The following USP34 variants were observed in gnomAD, a reference collection of about 807,000 sequenced individuals.
USP34 encodes ubiquitin specific peptidase 34.
A neutral mutation model predicts 460.3 loss-of-function variants in USP34; 70 were observed. The ratio of observed to expected loss-of-function variants is 0.15; its 90% CI spans 0.13 to 0.19. The LOEUF (loss-of-function observed/expected upper bound fraction) is 0.19. USP34 is among the 10% of genes least tolerant of loss of function. The probability of loss-of-function intolerance (pLI) is 1.00; values close to 1 mark genes in which losing one functional copy is unlikely to be tolerated. For missense variants in USP34, 3,985 were observed against 4,236.2 expected (o/e 0.94, Z 1.65); for synonymous variants, 1,647 against 1,405.3 (o/e 1.17, Z -3.85).
intron 39 of USP34, among the ~76,000 whole-genome samples, chr2:61,279,814 T>C (rs972174723): frequency 3.9e-5 from 6 of 152,240 alleles, no homozygotes; most frequent in African/African-American, 1.4e-4. Flanking sequence ...AATGTCATTT[T>C]AGTCCAGTAT....
intron 1 of USP34, among the ~76,000 whole-genome samples, chr2:61,448,347 C>G (rs1236678691): frequency 1.3e-5 from 2 of 152,184 alleles, no homozygotes; most frequent in Non-Finnish European, 2.9e-5. Flanking sequence ...GTGGCACATG[C>G]CTGCAGTCCC....
intron 75 of USP34, chr2:61,200,918 T>C (rs773605977): frequency 9.2e-5 from 14 of 152,204 alleles, no homozygotes; most frequent in East Asian, 7.5e-4. Context: ...TAGGAAACAA[T>C]AGGAAAGTTC....
At chr2:61,466,931 G>A (rs1054406432) in intron 1 of USP34, among the ~76,000 whole-genome samples, 13 of 151,254 alleles carry the variant, frequency 8.6e-5, no homozygotes, top group African/African-American at 3.2e-4. Context: ...TATTACACTC[G>A]TTTGCCCAGG....
intron 1 of USP34, among the ~76,000 whole-genome samples, chr2:61,442,896 TGTAC>T (rs1463156099): frequency 5.0e-4 from 39 of 78,760 alleles, no homozygotes; most frequent in South Asian, 4.0e-3. Context: ...ATGTGATGTG[TGTAC>T]ACACACACAC....
Position 61,405,822 on chromosome 2 carries a change from A to T in USP34, c.438T>A (p.Phe146Leu), listed in dbSNP as rs189751460. The change falls in exon 3 of 80, where the codon TTT becomes TTA. Residue 146 changes from phenylalanine (F) to leucine (L), a missense_variant. Phe to Leu is a conservative substitution (Grantham distance 22, BLOSUM62 0). Around this residue, in one of 14 missense-constraint regions of USP34, gnomAD observed 331 missense variants for 293.7 expected, o/e 1.13. Transcript: ENST00000398571. ...EEESSKSSDP[F>L]SLWSTDEKEK... ...CCTTCTCATCTGTACTCCATAAACT[A>T]AAAGGATCAGAACTCTTTGAAGATT... The T allele has an allele frequency of 1.9e-6, 3 of 1,613,638 alleles. No homozygotes were observed. In the African/African-American group the frequency reaches 4.0e-5, roughly 22 times the overall value.
intron 8 of USP34, among the ~76,000 whole-genome samples, chr2:61,376,221 A>G (rs1387056450): frequency 2.1e-5 from 3 of 146,136 alleles, no homozygotes; most frequent in Non-Finnish European, 4.4e-5. Flanking sequence ...ATATGTTAAT[A>G]AAACTGCTTA....
chr2:61,417,372 G>T lies in USP34; in HGVS notation c.131+3374C>A, dbSNP rs139414344. ...GAAAGGAATTCAGTCAGCTTAATTGGCTGCAGGACCTCCGTAATCTTACAG... is the reference window on the plus strand; with the variant it reads ...GAAAGGAATTCAGTCAGCTTAATTGTCTGCAGGACCTCCGTAATCTTACAG... On this transcript the variant is annotated intron_variant, in intron 2 of 79. Coordinates refer to ENST00000398571, the MANE Select transcript of USP34 (RefSeq NM_014709.4). 3.7e-3 allele frequency: 2,078 copies of T among 561,108 alleles called. 11 individuals carry two copies. The highest frequency in any genetic ancestry group is 5.8e-3 in the Non-Finnish European group (1,759 of 305,754). 34.8% of individuals were successfully genotyped at this position (561,108 alleles called of 1,614,324 possible). A position where few individuals can be genotyped will look rare whatever the true frequency, so the allele number is the denominator to read the frequency against.
intron 2 of USP34, among the ~76,000 whole-genome samples, chr2:61,417,545 T>C (rs759996857): frequency 2.0e-4 from 31 of 152,234 alleles, no homozygotes; most frequent in African/African-American, 7.5e-4. Context: ...AAAACTGTAC[T>C]GTTCTCAGTC....
chr2:61,223,099 A>T lies in USP34; in HGVS notation c.7710T>A (p.Ile2570=), dbSNP rs991149215. The T allele has an allele frequency of 4.1e-5, 66 of 1,613,930 alleles. No individual in the cohort carries two copies. Among genetic ancestry groups the T allele is most frequent in the Non-Finnish European group, 5.5e-5 (65 of 1,179,920 alleles). ...GATTATTGTATCGACACAGGCTGAAAATCAGATTACAAGTTTGTCTTATAT... is the reference window on the plus strand; with the variant it reads ...GATTATTGTATCGACACAGGCTGAATATCAGATTACAAGTTTGTCTTATAT... ...GINIRQTCNL[I]FSLCRYNNRL... The change falls in exon 64 of 80, where the codon ATT becomes ATA. Residue 2570 remains isoleucine (I), a synonymous_variant. Transcript: ENST00000398571.
At position 61,284,337 on chromosome 2, in the gene USP34, T is replaced by C. The variant is rs139472240; in HGVS notation, c.4832+538A>G. Among the ~76,000 whole-genome samples, 134 of 152,218 alleles carry C rather than the reference T, an allele frequency of 8.8e-4. 1 individual carries two copies. The East Asian group carries it at 0.021, about 24-fold the overall frequency. ...AAAACTCAAACTGAAAAGTACTCTA[T>C]AAAATAACTGGCCTGCATTACTTGA... On this transcript the variant is annotated intron_variant, in intron 35 of 79. Coordinates refer to ENST00000398571, the MANE Select transcript of USP34 (RefSeq NM_014709.4).
At chr2:61,325,486 A>G (rs757807161) in intron 20 of USP34, 29 bp from the exon 21 acceptor site, 2 of 1,388,298 alleles carry the variant, frequency 1.4e-6, no homozygotes, top group South Asian at 3.0e-5. Context: ...TAAAATAATT[A>G]AATATCCTAT....
intron 48 of USP34, among the ~76,000 whole-genome samples, chr2:61,254,888 C>A (rs1688684050): frequency 6.6e-6 from 1 of 152,016 alleles, no homozygotes. Flanking sequence ...CAATTTTTTG[C>A]CGAGGCTGGA....
At chr2:61,412,872 C>T (rs993698355) in intron 2 of USP34, among the ~76,000 whole-genome samples, 19 of 121,148 alleles carry the variant, frequency 1.6e-4, no homozygotes, top group African/African-American at 6.0e-4. Flanking sequence ...CTTAGCAACA[C>T]AGCAATCCCA....
intron 3 of USP34, among the ~76,000 whole-genome samples, chr2:61,398,531 A>AGGAGGCGGAAGCGGGGAT (rs1693611465): frequency 1.0e-5 from 1 of 98,622 alleles, no homozygotes; most frequent in African/African-American, 4.0e-5. Flanking sequence ...GAAGCGGGGA[A>AGGAGGCGGAAGCGGGGAT]GGAGGCGGAA....
intron 6 of USP34, among the ~76,000 whole-genome samples, chr2:61,382,551 T>C (rs993676523): frequency 1.3e-5 from 2 of 152,210 alleles, no homozygotes; most frequent in African/African-American, 4.8e-5. Context: ...ATCTGATTCT[T>C]TGCCTGATAC....
At chr2:61,435,961 G>T (rs1272950256) in intron 1 of USP34, among the ~76,000 whole-genome samples, 1 of 152,090 alleles carries the variant, frequency 6.6e-6, no homozygotes, top group East Asian at 1.9e-4. Flanking sequence ...CTGGGAGGCG[G>T]AGGCTGCAGT....
At chr2:61,414,608 T>C (rs1232917369) in intron 2 of USP34, among the ~76,000 whole-genome samples, 1 of 152,182 alleles carries the variant, frequency 6.6e-6, no homozygotes, top group Non-Finnish European at 1.5e-5. Context: ...GCCCAGGTTC[T>C]TGGCGCTTTG....
intron 28 of USP34, 82 bp from the exon 29 acceptor site, chr2:61,301,242 A>G: frequency 6.6e-7 from 1 of 1,516,334 alleles, no homozygotes; most frequent in Non-Finnish European, 8.9e-7. Context: ...AGAATCACTT[A>G]AAATTTTAAT....
chr2:61,341,951 C>G (rs190842363), intron 16 of USP34, among the ~76,000 whole-genome samples: 2 of 151,488 alleles, frequency 1.3e-5, no homozygotes, highest in African/African-American at 2.4e-5. Flanking sequence ...TTAGTACCAA[C>G]GGGGTTTCAC....
Sources: allele counts gnomAD v4.1 joint callset (sites outside exome capture counted in the v4.1 genomes callset), GRCh38; gene constraint gnomAD v4.1.1; regional missense constraint gnomAD v4.1.1; transcripts MANE v1.5; gene names NCBI Gene and HGNC (gene_info 2026-07-23, HGNC 2026-07-21).